The following CEP76 variants were observed in gnomAD, a reference collection of about 807,000 sequenced individuals.
CEP76 encodes centrosomal protein of 76 kDa.
CEP76 carries 55 observed loss-of-function variants against 83.3 expected under a neutral mutation model. The ratio of observed to expected loss-of-function variants is 0.66; its 90% CI spans 0.53 to 0.83. The LOEUF is 0.83. Ranked by LOEUF, CEP76 falls within the 40% of genes least tolerant of loss-of-function variation. The pLI is 0.00. For synonymous variants in CEP76, 270 were observed against 274.5 expected (o/e 0.98, Z 0.16); for missense variants, 694 against 799.5 (o/e 0.87, Z 1.59).
At chr18:12,662,249 T>C (rs531246099) in intron 12 of CEP76, 2 of 434,378 alleles carry the variant, frequency 4.6e-6, no homozygotes, top group South Asian at 1.7e-5. Context: ...TTGCCCACAA[T>C]TGTAATACCT....
In CEP76 at chr18:12,666,957, A is replaced by G. The variant is rs559452459; in HGVS notation, c.*1728-4788T>C. ...ATGAGTTTAAAATTAAAAATTCCAT[A>G]TATTACTGAAATTAAGCTAATATAA... On this transcript the variant is annotated intron_variant and NMD_transcript_variant, in intron 12 of 12. Transcript: ENST00000590143. 2.0e-4 allele frequency among the ~76,000 whole-genome samples: 30 copies of G among 152,228 alleles called. 1 individual carries two copies. The highest frequency in any genetic ancestry group is 7.2e-4 in the African/African-American group (30 of 41,558).
At chr18:12,692,329 AC>A (rs1034747805) in intron 6 of CEP76, 2 of 151,718 alleles carry the variant, frequency 1.3e-5, no homozygotes, top group Admixed American at 6.6e-5. Context: ...AAAAAAAAAA[AC>A]ATACTGTCAT....
At chr18:12,674,456 AAG>A in intron 11 of CEP76, 78 bp downstream of exon 11, 17 of 1,036,292 alleles carry the variant, frequency 1.6e-5, no homozygotes, top group East Asian at 4.9e-5. Flanking sequence ...AAAAAAAAAA[AAG>A]GAAATTAAAA....
At chr18:12,688,861 TC>T (rs748766819) in intron 7 of CEP76, among the ~76,000 whole-genome samples, 2 of 152,220 alleles carry the variant, frequency 1.3e-5, no homozygotes, top group Non-Finnish European at 2.9e-5. Context: ...ACGCCTATGA[TC>T]CCAGCACTTT....
intron 12 of CEP76, among the ~76,000 whole-genome samples, chr18:12,664,593 C>T (rs1417848172): frequency 6.6e-6 from 1 of 152,000 alleles, no homozygotes; most frequent in Non-Finnish European, 1.5e-5. Context: ...GTCTGCTGCC[C>T]AAGCTGGTCT....
intron 5 of CEP76, among the ~76,000 whole-genome samples, chr18:12,695,887 A>ACACACACACACAC (rs1568030597): frequency 5.3e-5 from 7 of 132,800 alleles, no homozygotes; most frequent in African/African-American, 2.0e-4. Flanking sequence ...CACACACACT[A>ACACACACACACAC]AAAATTAGAA....
chr18:12,679,584 A>G (rs915432566), intron 9 of CEP76, among the ~76,000 whole-genome samples: 65 of 152,218 alleles, frequency 4.3e-4, no homozygotes, highest in African/African-American at 1.5e-3. Flanking sequence ...TCTTAGCTGA[A>G]CTAAGGAAGA....
downstream of CEP76, among the ~76,000 whole-genome samples, chr18:12,671,439 G>GA (rs1303693886): frequency 2.0e-5 from 3 of 151,582 alleles, no homozygotes; most frequent in Admixed American, 6.6e-5. Flanking sequence ...AAGATTCTTT[G>GA]AAAAAATAAA....
At chr18:12,687,805 T>G (rs1411634934) in intron 7 of CEP76, among the ~76,000 whole-genome samples, 8 of 152,068 alleles carry the variant, frequency 5.3e-5, no homozygotes, top group Non-Finnish European at 1.2e-4. Flanking sequence ...TTTGGGGGGA[T>G]GTAGAGAACT....
At chr18:12,681,664 A>G (rs976382617) in intron 8 of CEP76, among the ~76,000 whole-genome samples, 8 of 152,192 alleles carry the variant, frequency 5.3e-5, no homozygotes, top group African/African-American at 1.9e-4. Flanking sequence ...TAGTATCTAT[A>G]TGTGATAATT....
Position 12,672,808 on chromosome 18 carries a change from C to T in CEP76, c.*557G>A, listed in dbSNP as rs749600716. On this transcript the variant is annotated 3_prime_UTR_variant, in exon 12 of 12. Transcript: ENST00000262127. ...TTTCTGGTATTAGTTTTTTCCTACT[C>T]TTGCTTCAAGGTCCAACCATAAATT... 8 of 984,012 alleles carry T rather than the reference C, an allele frequency of 8.1e-6. No homozygotes were observed. The South Asian group carries it at 3.3e-4, about 41-fold the overall frequency. The allele number at this position is 984,012 out of a possible 1,614,324, so 61.0% of individuals were successfully genotyped here. A position where few individuals can be genotyped will look rare whatever the true frequency, so the allele number is the denominator to read the frequency against.
In CEP76 at chr18:12,678,174, C is replaced by G. The variant is rs2039212394; in HGVS notation, c.1558G>C (p.Asp520His). 4 of 1,614,022 alleles carry G rather than the reference C, an allele frequency of 2.5e-6. No individual in the cohort carries two copies. The East Asian group carries it at 6.7e-5, about 27-fold the overall frequency. Reference sequence around the variant, plus strand: ...ATTTCATTACTTGTTACTGACGCGTCAATTGTGGATGCACACAGAGGTGGA... The same window carrying G: ...ATTTCATTACTTGTTACTGACGCGTGAATTGTGGATGCACACAGAGGTGGA... ...PFPPLCASTI[D>H]ASVTSNEIEM... Residue 520 changes from aspartate to histidine, a missense_variant, in exon 10 of 12, where the codon GAC becomes CAC. By Grantham distance (81) the Asp-to-His change is moderately conservative (BLOSUM62 -1). Transcript: ENST00000262127.
Position 12,672,744 on chromosome 18 carries a change from A to AC in CEP76, c.*620_*621insG. ...TCACAGTGATAAATATTTCTAAATGATTCATGTACTTTCATATGAGGTTAT... is the reference window on the plus strand; with the variant it reads ...TCACAGTGATAAATATTTCTAAATGACTTCATGTACTTTCATATGAGGTTAT... On this transcript the variant is annotated 3_prime_UTR_variant, in exon 12 of 12. Coordinates refer to ENST00000262127, the MANE Select transcript of CEP76 (RefSeq NM_024899.4). 4.1e-6 allele frequency: 4 copies of AC among 974,088 alleles called. No individual in the cohort carries two copies. Among genetic ancestry groups the AC allele is most frequent in the Non-Finnish European group, 4.9e-6 (4 of 819,482 alleles). 60.3% of individuals were successfully genotyped at this position (974,088 alleles called of 1,614,324 possible). A position where few individuals can be genotyped will look rare whatever the true frequency, so the allele number is the denominator to read the frequency against.
At chr18:12,701,632 A>G (rs980365760) in intron 1 of CEP76, among the ~76,000 whole-genome samples, 1 of 152,308 alleles carries the variant, frequency 6.6e-6, no homozygotes. Flanking sequence ...AGGGCACCAT[A>G]AATGGTCGCT....
At chr18:12,666,764 T>G (rs1315264687) in intron 12 of CEP76, among the ~76,000 whole-genome samples, 11 of 152,086 alleles carry the variant, frequency 7.2e-5, no homozygotes. Flanking sequence ...AAAAAAAACT[T>G]TTGAATTGAT....
intron 1 of CEP76, among the ~76,000 whole-genome samples, chr18:12,701,708 C>A: frequency 6.6e-6 from 1 of 152,258 alleles, no homozygotes; most frequent in African/African-American, 2.4e-5. Flanking sequence ...TCTTCTGGAG[C>A]TCCGAAATAT....
At chr18:12,690,556 C>T (rs1202109179) in intron 7 of CEP76, among the ~76,000 whole-genome samples, 2 of 151,702 alleles carry the variant, frequency 1.3e-5, no homozygotes, top group Non-Finnish European at 2.9e-5. Flanking sequence ...CCCGGGTTCA[C>T]GCCATTCTCC....
rs2144973362 is a variant in CEP76 at position 12,672,714 on chromosome 18, A to G, written c.*651T>C. ...CTAAAATACCCAATTCATTTTTACA[A>G]CAAATCACAGTGATAAATATTTCTA... is the stretch of plus-strand genomic sequence containing the variant. On this transcript the variant is annotated 3_prime_UTR_variant, in exon 12 of 12. Coordinates refer to ENST00000262127, the MANE Select transcript of CEP76 (RefSeq NM_024899.4). 1.0e-6 allele frequency: 1 copy of G among 971,176 alleles called. No homozygotes were observed. Among genetic ancestry groups the G allele is most frequent in the South Asian group, 4.8e-5 (1 of 20,998 alleles). The allele number at this position is 971,176 out of a possible 1,614,324, so 60.2% of individuals were successfully genotyped here.
At chr18:12,683,066 C>T (rs1009917965) in intron 8 of CEP76, among the ~76,000 whole-genome samples, 2 of 151,732 alleles carry the variant, frequency 1.3e-5, no homozygotes, top group Admixed American at 6.6e-5. Context: ...AACTTTATGG[C>T]CAGGTGTGCC....
Sources: allele counts gnomAD v4.1 joint callset (sites outside exome capture counted in the v4.1 genomes callset), GRCh38; gene constraint gnomAD v4.1.1; transcripts MANE v1.5; gene names NCBI Gene and HGNC (gene_info 2026-07-23, HGNC 2026-07-21).